SGPP1: variants seen among roughly 807,000 people sequenced by gnomAD.
SGPP1 encodes sphingosine-1-phosphate phosphatase 1, also known as hSPP1.
Under a neutral mutation model 33.0 loss-of-function variants are expected in SGPP1, and 21 were observed. The ratio of observed to expected loss-of-function variants is 0.64; its 90% CI spans 0.45 to 0.92. The LOEUF is 0.92. Ranked by LOEUF, SGPP1 falls within the 40% of genes least tolerant of loss-of-function variation. SGPP1 has a pLI of 0.00. For synonymous variants in SGPP1, 239 were observed against 241.2 expected (o/e 0.99, Z 0.08); for missense variants, 543 against 589.4 (o/e 0.92, Z 0.81).
chr14:63,714,402 T>C (rs1885579649), intron 1 of SGPP1, among the ~76,000 whole-genome samples: 3 of 152,112 alleles, frequency 2.0e-5, no homozygotes, highest in African/African-American at 7.2e-5. Context: ...GTACTTCACT[T>C]TTTTAACTCT....
chr14:63,723,275 A>C (rs1279146956), intron 1 of SGPP1, among the ~76,000 whole-genome samples: 1 of 152,200 alleles, frequency 6.6e-6, no homozygotes, highest in Non-Finnish European at 1.5e-5. Context: ...AATAACCATT[A>C]TCCTAGGCAA....
At chr14:63,718,994 ATATATATATATATATATATATTTTTTTT>A (rs1885696193) in intron 1 of SGPP1, among the ~76,000 whole-genome samples, 1 of 18,124 alleles carries the variant, frequency 5.5e-5, no homozygotes, top group East Asian at 1.1e-3. Flanking sequence ...ATATATATAT[ATATATATATATATATATATATTTTTTTT>A]TTTTTTTTTT....
chr14:63,695,254 C>T (rs1455889595), intron 2 of SGPP1, among the ~76,000 whole-genome samples: 1 of 152,096 alleles, frequency 6.6e-6, no homozygotes, highest in Non-Finnish European at 1.5e-5. Context: ...GACGGGGTTT[C>T]ACCGTGTTAG....
chr14:63,710,282 C>T (rs919370476), intron 1 of SGPP1, among the ~76,000 whole-genome samples: 9 of 152,042 alleles, frequency 5.9e-5, no homozygotes, highest in African/African-American at 1.2e-4. Context: ...ATACTAAGGA[C>T]ATAGAAATGT....
chr14:63,700,340 A>G (rs567389420), intron 1 of SGPP1, among the ~76,000 whole-genome samples: 2 of 152,292 alleles, frequency 1.3e-5, no homozygotes, highest in South Asian at 4.1e-4. Flanking sequence ...TATACCTCAA[A>G]CCAAACTCAT....
intron 1 of SGPP1, among the ~76,000 whole-genome samples, chr14:63,717,871 G>A (rs1326748037): frequency 6.6e-6 from 1 of 151,988 alleles, no homozygotes; most frequent in African/African-American, 2.4e-5. Context: ...TTAAGTACTG[G>A]GGATCACAAA....
At chr14:63,713,564 C>T (rs1706520080) in intron 1 of SGPP1, among the ~76,000 whole-genome samples, 1 of 152,132 alleles carries the variant, frequency 6.6e-6, no homozygotes, top group Admixed American at 6.6e-5. Context: ...ATCAAAATCT[C>T]TAAAGTCTAA....
Position 63,686,441 on chromosome 14 carries a change from T to G in SGPP1, c.990A>C (p.Ala330=). 1 of 1,614,130 alleles carries G rather than the reference T, an allele frequency of 6.2e-7. No individual in the cohort carries two copies. ...AEILGSGAGI[A]CGSHVTYNMG... ...TGTTATAAGTAACATGAGATCCACA[T>G]GCAATTCCAGCACCACTTCCTAGTA... Residue 330 remains alanine (A), a synonymous_variant, in exon 3 of 3, where the codon GCA becomes GCC. Coordinates refer to ENST00000247225, the MANE Select transcript of SGPP1 (RefSeq NM_030791.4).
At chr14:63,705,882 A>G (rs1344321122) in intron 1 of SGPP1, among the ~76,000 whole-genome samples, 1 of 152,242 alleles carries the variant, frequency 6.6e-6, no homozygotes, top group Non-Finnish European at 1.5e-5. Context: ...CAGTTCCTCA[A>G]AAAGTTAAAC....
chr14:63,718,229 C>T (rs1885673627), intron 1 of SGPP1, among the ~76,000 whole-genome samples: 1 of 147,002 alleles, frequency 6.8e-6, no homozygotes, highest in South Asian at 2.1e-4. Context: ...TCCTGGGGAA[C>T]AGCGCAAGAC....
At chr14:63,696,470 T>C (rs1885187941) in intron 2 of SGPP1, among the ~76,000 whole-genome samples, 1 of 152,314 alleles carries the variant, frequency 6.6e-6, no homozygotes, top group South Asian at 2.1e-4. Context: ...TTTTCAGAAG[T>C]AGTGATGCTA....
intron 2 of SGPP1, among the ~76,000 whole-genome samples, chr14:63,688,726 T>C (rs1441140391): frequency 8.4e-6 from 1 of 119,622 alleles, no homozygotes; most frequent in African/African-American, 4.6e-5. Flanking sequence ...TTTTTTTTTC[T>C]TTTTTTTTTT....
At chr14:63,691,017 G>A (rs1011526229) in intron 2 of SGPP1, among the ~76,000 whole-genome samples, 1 of 152,132 alleles carries the variant, frequency 6.6e-6, no homozygotes, top group African/African-American at 2.4e-5. Flanking sequence ...GCCCAGCCAT[G>A]AAAAACATTT....
intron 1 of SGPP1, among the ~76,000 whole-genome samples, chr14:63,720,129 A>C (rs915322080): frequency 1.5e-4 from 23 of 148,608 alleles, no homozygotes; most frequent in African/African-American, 5.2e-4. Flanking sequence ...CATCTCACAA[A>C]AAAAAAAAAA....
chr14:63,687,551 T>C (rs1438693465), intron 2 of SGPP1, among the ~76,000 whole-genome samples: 2 of 152,114 alleles, frequency 1.3e-5, no homozygotes, highest in Non-Finnish European at 2.9e-5. Flanking sequence ...AGAGTACTGA[T>C]TGATTAAGGA....
intron 1 of SGPP1, among the ~76,000 whole-genome samples, chr14:63,701,643 T>C (rs1428979822): frequency 6.6e-6 from 1 of 151,618 alleles, no homozygotes; most frequent in Non-Finnish European, 1.5e-5. Context: ...GTTAGGGAGG[T>C]AATGGGGGGC....
At chr14:63,724,678 C>T (rs1885841660) in intron 1 of SGPP1, among the ~76,000 whole-genome samples, 1 of 149,244 alleles carries the variant, frequency 6.7e-6, no homozygotes, top group Non-Finnish European at 1.5e-5. Flanking sequence ...GTGGCTCACG[C>T]CTGTAATGCC....
chr14:63,689,189 TATA>T (rs1032599031), intron 2 of SGPP1, among the ~76,000 whole-genome samples: 1 of 152,206 alleles, frequency 6.6e-6, no homozygotes, highest in African/African-American at 2.4e-5. Flanking sequence ...ACAAAAGAAC[TATA>T]ATATTACAAG....
chr14:63,699,935 T>G (rs1885261670), intron 1 of SGPP1, among the ~76,000 whole-genome samples: 1 of 152,124 alleles, frequency 6.6e-6, no homozygotes, highest in African/African-American at 2.4e-5. Context: ...TACAGAAGGA[T>G]TCTGTCCTTA....
Sources: allele counts gnomAD v4.1 joint callset (sites outside exome capture counted in the v4.1 genomes callset), GRCh38; gene constraint gnomAD v4.1.1; transcripts MANE v1.5; gene names NCBI Gene and HGNC (gene_info 2026-07-23, HGNC 2026-07-21).